YAE1: variants seen among roughly 807,000 people sequenced by gnomAD.
YAE1 encodes YAE1 maturation factor of ABCE1.
Under a neutral mutation model 23.0 loss-of-function variants are expected in YAE1, and 22 were observed. That is an observed-to-expected ratio of 0.96 (90% confidence interval 0.68 to 1.37). YAE1 has a LOEUF of 1.37. Ranked by LOEUF, YAE1 falls within the 40% of genes most tolerant of loss-of-function variation. The probability of loss-of-function intolerance (pLI) is 0.00; values close to 1 mark genes in which losing one functional copy is unlikely to be tolerated. For missense variants in YAE1, 260 were observed against 262.1 expected, an observed-to-expected ratio of 0.99 and a Z score of 0.06; for synonymous variants, 101 against 97.0, an observed-to-expected ratio of 1.04 and a Z score of -0.24.
chr7:39,586,877 T>C (rs1023574913), intron 2 of YAE1, among the ~76,000 whole-genome samples: 2 of 152,206 alleles, frequency 1.3e-5, no homozygotes, highest in African/African-American at 4.8e-5. Flanking sequence ...GGAGTACTTA[T>C]CTTACAGATG....
At chr7:39,595,998 A>G (rs1300058332) in intron 2 of YAE1, among the ~76,000 whole-genome samples, 1 of 152,128 alleles carries the variant, frequency 6.6e-6, no homozygotes, top group Non-Finnish European at 1.5e-5. Context: ...AATTTTCTCC[A>G]TTGGCTATGC....
chr7:39,586,931 T>C (rs1210191250), intron 2 of YAE1, among the ~76,000 whole-genome samples: 1 of 152,224 alleles, frequency 6.6e-6, no homozygotes, highest in Admixed American at 6.5e-5. Context: ...AAAACTCAAG[T>C]GAAATACAAA....
chr7:39,581,295 A>G (rs6978059), intron 2 of YAE1, among the ~76,000 whole-genome samples: 20,314 of 152,248 alleles, frequency 0.13, 1,757 homozygotes, highest in African/African-American at 0.25. Context: ...TATAAAAGAA[A>G]TATATGGTTC....
chr7:39,577,550 C>G (rs1281575180), downstream of YAE1, among the ~76,000 whole-genome samples: 1 of 152,206 alleles, frequency 6.6e-6, no homozygotes, highest in African/African-American at 2.4e-5. Flanking sequence ...CCCGGGCCAG[C>G]AGCTGCAGAG....
chr7:39,568,632 C>T (rs1790513936), intron 1 of YAE1, among the ~76,000 whole-genome samples: 1 of 152,002 alleles, frequency 6.6e-6, no homozygotes, highest in African/African-American at 2.4e-5. Context: ...TTTGAAACAA[C>T]AACAAAAAAT....
intron 2 of YAE1, among the ~76,000 whole-genome samples, chr7:39,585,483 G>GA (rs145594034): frequency 6.6e-6 from 1 of 152,034 alleles, no homozygotes; most frequent in East Asian, 1.9e-4. Flanking sequence ...AGGGGCCTCA[G>GA]AAAAAAACAA....
rs1278742306 is a variant in YAE1 at position 39,570,663 on chromosome 7, C to T, written c.251+36C>T. ...AAGTCTAAATGCTGAATCATTTTAACCTCAATACTACTGGAGGATGTTTCT... is the reference window on the plus strand; with the variant it reads ...AAGTCTAAATGCTGAATCATTTTAATCTCAATACTACTGGAGGATGTTTCT... On this transcript the variant is annotated intron_variant, in intron 2 of 2. Transcript: ENST00000223273. The T allele has an allele frequency of 5.1e-6, 8 of 1,567,502 alleles. 1 individual carries two copies. The Middle Eastern group carries it at 1.1e-3, about 206-fold the overall frequency.
chr7:39,589,466 C>T (rs1005576714), intron 2 of YAE1, among the ~76,000 whole-genome samples: 1 of 152,064 alleles, frequency 6.6e-6, no homozygotes, highest in Non-Finnish European at 1.5e-5. Flanking sequence ...CAGGGTTTCA[C>T]TAGGCTGGTC....
intron 2 of YAE1, among the ~76,000 whole-genome samples, chr7:39,588,424 T>C (rs753900720): frequency 3.3e-4 from 50 of 149,510 alleles, no homozygotes; most frequent in Non-Finnish European, 6.4e-4. Context: ...AGGCAGGAGA[T>C]CGCTTGTTGC....
rs962649779 is a variant in YAE1 at position 39,609,583 on chromosome 7, A to G, written c.252-34A>G. 2.6e-6 allele frequency: 4 copies of G among 1,520,536 alleles called. No homozygotes were observed. In the East Asian group the frequency reaches 9.9e-5, roughly 38 times the overall value. 94.2% of individuals were successfully genotyped at this position (1,520,536 alleles called of 1,614,324 possible). A position where few individuals can be genotyped will look rare whatever the true frequency, so the allele number is the denominator to read the frequency against. On this transcript the variant is annotated intron_variant, in intron 2 of 2. Coordinates refer to the YAE1 transcript ENST00000432096. ...TTGTGGGGACAGTGATAACAGAGCC[A>G]AATCTCTGTCTATCCAATTGTCTAT...
chr7:39,598,571 GT>G (rs1791010652), intron 2 of YAE1, among the ~76,000 whole-genome samples: 1 of 151,976 alleles, frequency 6.6e-6, no homozygotes, highest in Non-Finnish European at 1.5e-5. Context: ...GAGCTCAGGA[GT>G]GTGAAACCAG....
rs182426148 is a variant in YAE1 at position 39,608,876 on chromosome 7, A to G, written c.252-741A>G. ...CTTTGGGCTTCTAACTGAAGAAGTT[A>G]TATAATTAAAACAACCAATACTCAT... On this transcript the variant is annotated intron_variant, in intron 2 of 2. Coordinates refer to the YAE1 transcript ENST00000432096. 5.1e-3 allele frequency among the ~76,000 whole-genome samples: 774 copies of G among 152,356 alleles called. 2 individuals carry two copies. The highest frequency in any genetic ancestry group is 9.5e-3 in the Admixed American group (145 of 15,306).
chr7:39,579,167 C>T (rs1345118603), intron 2 of YAE1, among the ~76,000 whole-genome samples: 1 of 152,130 alleles, frequency 6.6e-6, no homozygotes, highest in Non-Finnish European at 1.5e-5. Context: ...TTCTTTAATC[C>T]TCATAATAGC....
intron 2 of YAE1, among the ~76,000 whole-genome samples, chr7:39,601,758 CAAAA>C (rs5883699): frequency 2.3e-5 from 3 of 130,764 alleles, no homozygotes; most frequent in East Asian, 2.2e-4. Context: ...GACTCTGTCT[CAAAA>C]AAAAAAAAAA....
chr7:39,591,780 G>A (rs1168993286), intron 2 of YAE1, among the ~76,000 whole-genome samples: 1 of 152,118 alleles, frequency 6.6e-6, no homozygotes, highest in Non-Finnish European at 1.5e-5. Context: ...TACCATTATA[G>A]TATCACACAG....
At chr7:39,586,544 C>CTGGAG (rs1790816622) in intron 2 of YAE1, among the ~76,000 whole-genome samples, 1 of 151,098 alleles carries the variant, frequency 6.6e-6, no homozygotes, top group African/African-American at 2.4e-5. Flanking sequence ...GTCGCCCAGG[C>CTGGAG]TGGAGTGCAG....
intron 1 of YAE1, among the ~76,000 whole-genome samples, chr7:39,568,806 A>G (rs1790516254): frequency 3.3e-5 from 5 of 152,204 alleles, no homozygotes; most frequent in Admixed American, 1.3e-4. Flanking sequence ...AGCTTATCCT[A>G]TATTACCATG....
At chr7:39,609,477 G>A in intron 2 of YAE1, 1 of 1,125,646 alleles carries the variant, frequency 8.9e-7, no homozygotes, top group Non-Finnish European at 1.2e-6. Flanking sequence ...GGGGAAAGTT[G>A]GGGGGTTGTA....
intron 2 of YAE1, among the ~76,000 whole-genome samples, chr7:39,594,376 G>A (rs141277880): frequency 6.6e-6 from 1 of 152,254 alleles, no homozygotes; most frequent in East Asian, 1.9e-4. Flanking sequence ...TAGCTACCCG[G>A]TGCAAGCCTT....
Sources: gnomAD v4.1 joint callset for allele counts (sites outside exome capture counted in the v4.1 genomes callset) on GRCh38, gnomAD v4.1.1 for gene constraint, MANE v1.5 for transcripts, NCBI Gene and HGNC (gene_info 2026-07-23, HGNC 2026-07-21) for gene names.